The following CADM2 variants were observed in gnomAD, a reference collection of about 807,000 sequenced individuals.
CADM2 encodes the protein immunoglobulin superfamily member 4D.
A neutral mutation model predicts 49.8 loss-of-function variants in CADM2; 12 were observed. The ratio of observed to expected loss-of-function variants is 0.24; its 90% CI spans 0.15 to 0.39. The LOEUF (loss-of-function observed/expected upper bound fraction) is 0.39, where lower values mean the gene tolerates loss of function less well. Ranked by LOEUF, CADM2 falls within the 10% of genes least tolerant of loss-of-function variation. CADM2 has a pLI of 1.00. For missense variants in CADM2, 378 were observed against 492.3 expected, an observed-to-expected ratio of 0.77 and a Z score of 2.20; for synonymous variants, 214 against 175.4, an observed-to-expected ratio of 1.22 and a Z score of -1.74.
At chr3:85,838,232 T>A (rs957742180) in intron 3 of CADM2, among the ~76,000 whole-genome samples, 1 of 151,846 alleles carries the variant, frequency 6.6e-6, no homozygotes, top group Non-Finnish European at 1.5e-5. Context: ...ATCTTCTGCA[T>A]CTTTAAAAGG....
intron 8 of CADM2, among the ~76,000 whole-genome samples, chr3:85,963,727 G>A (rs78932617): frequency 0.041 from 6,200 of 151,904 alleles, 419 homozygotes; most frequent in African/African-American, 0.14. Context: ...TTCAGTGCTT[G>A]CAAGCTAGCC....
At chr3:85,610,252 G>A (rs2107446497) in intron 1 of CADM2, among the ~76,000 whole-genome samples, 1 of 151,882 alleles carries the variant, frequency 6.6e-6, no homozygotes, top group Non-Finnish European at 1.5e-5. Context: ...AAATGGTAGT[G>A]GTCCCCATGA....
At chr3:86,059,621 G>T (rs1053908783) in intron 8 of CADM2, among the ~76,000 whole-genome samples, 1 of 152,150 alleles carries the variant, frequency 6.6e-6, no homozygotes, top group Non-Finnish European at 1.5e-5. Context: ...AACAATACAT[G>T]ATGTATTTAT....
chr3:85,923,122 C>T (rs1451232668), intron 6 of CADM2, among the ~76,000 whole-genome samples: 3 of 152,072 alleles, frequency 2.0e-5, no homozygotes, highest in Non-Finnish European at 4.4e-5. Flanking sequence ...CGCGCCCGGC[C>T]GAAACTAAAA....
intron 6 of CADM2, among the ~76,000 whole-genome samples, chr3:85,931,171 G>A (rs188986163): frequency 1.9e-3 from 295 of 152,012 alleles, no homozygotes; most frequent in Middle Eastern, 0.014. Flanking sequence ...CCAGGAGTTC[G>A]AGACCAGCCT....
intron 1 of CADM2, among the ~76,000 whole-genome samples, chr3:85,133,824 A>G (rs977530997): frequency 4.6e-5 from 7 of 152,224 alleles, no homozygotes; most frequent in Non-Finnish European, 8.8e-5. Context: ...CCGGGGCTGC[A>G]GGTGGAGCTG....
chr3:85,812,176 A>G (rs1001806756), intron 3 of CADM2, among the ~76,000 whole-genome samples: 2 of 152,274 alleles, frequency 1.3e-5, no homozygotes, highest in South Asian at 4.1e-4. Context: ...TTATTAAGTC[A>G]AGCAATCTGC....
chr3:85,624,867 G>A (rs1208002973), intron 1 of CADM2, among the ~76,000 whole-genome samples: 1 of 152,070 alleles, frequency 6.6e-6, no homozygotes, highest in Non-Finnish European at 1.5e-5. Flanking sequence ...TACATGAGAA[G>A]TTTTGATACA....
intron 1 of CADM2, among the ~76,000 whole-genome samples, chr3:85,414,192 G>A (rs2035807208): frequency 6.6e-6 from 1 of 152,134 alleles, no homozygotes; most frequent in Admixed American, 6.6e-5. Flanking sequence ...TGACATTAAT[G>A]TGTGATCATA....
At chr3:85,549,409 A>G (rs1194991255) in intron 1 of CADM2, among the ~76,000 whole-genome samples, 3 of 152,192 alleles carry the variant, frequency 2.0e-5, no homozygotes, top group East Asian at 1.9e-4. Context: ...CCGGTCTCAT[A>G]TATAAGAACA....
chr3:85,222,704 G>T lies in CADM2; in HGVS notation c.61+263036G>T, dbSNP rs565899262. Reference sequence around the variant, plus strand: ...TTGGAGATAACACCTAACTCATTTGGTTATTATGAGGTTAAATGATATCAT... The same window carrying T: ...TTGGAGATAACACCTAACTCATTTGTTTATTATGAGGTTAAATGATATCAT... On this transcript the variant is annotated intron_variant, in intron 1 of 9. Transcript: ENST00000383699. Among the ~76,000 whole-genome samples the T allele has an allele frequency of 4.6e-5, 7 of 152,104 alleles. No homozygotes were observed. In the South Asian group the frequency reaches 1.5e-3, roughly 32 times the overall value.
At chr3:85,886,387 G>A (rs2108402126) in intron 5 of CADM2, 60 bp downstream of exon 5, 2 of 1,285,254 alleles carry the variant, frequency 1.6e-6, no homozygotes, top group African/African-American at 1.5e-5. Context: ...GACATGTTAA[G>A]AAAAAGGCAT....
intron 3 of CADM2, among the ~76,000 whole-genome samples, chr3:85,871,651 A>T (rs1349415467): frequency 6.6e-6 from 1 of 152,170 alleles, no homozygotes; most frequent in Non-Finnish European, 1.5e-5. Context: ...ATAAACACTT[A>T]GCAAATGTTT....
In CADM2 at chr3:85,327,864, A is replaced by T. The variant is rs530435578; in HGVS notation, c.61+368196A>T. On this transcript the variant is annotated intron_variant, in intron 1 of 9. Coordinates refer to ENST00000383699, the MANE Select transcript of CADM2 (RefSeq NM_001167675.2). ...GCTATTTCAAAACGTAACAATTTGA[A>T]GCCTCATGACTGCTAATTTAGCCAC... Among the ~76,000 whole-genome samples, 13 of 152,252 alleles carry T rather than the reference A, an allele frequency of 8.5e-5. No homozygotes were observed. The South Asian group carries it at 2.7e-3, about 32-fold the overall frequency.
intron 1 of CADM2, among the ~76,000 whole-genome samples, chr3:85,394,952 C>T (rs2034697367): frequency 6.6e-6 from 1 of 152,050 alleles, no homozygotes; most frequent in Non-Finnish European, 1.5e-5. Flanking sequence ...AAACTTTTCC[C>T]ATAGTTTTCT....
intron 1 of CADM2, among the ~76,000 whole-genome samples, chr3:85,280,601 G>A (rs56972336): frequency 2.6e-3 from 398 of 151,338 alleles, no homozygotes; most frequent in African/African-American, 8.3e-3. Context: ...TCTGCGTTTT[G>A]GGAAGTTTCC....
chr3:85,085,916 A>T (rs573445058), intron 1 of CADM2, among the ~76,000 whole-genome samples: 1 of 152,242 alleles, frequency 6.6e-6, no homozygotes, highest in African/African-American at 2.4e-5. Flanking sequence ...TTTCATGGGT[A>T]GGGCATCAGG....
chr3:85,217,498 C>T (rs746292728), intron 1 of CADM2, among the ~76,000 whole-genome samples: 7 of 151,970 alleles, frequency 4.6e-5, no homozygotes, highest in Non-Finnish European at 8.8e-5. Context: ...TAATTGAAAG[C>T]GGAGTTGTTT....
intron 6 of CADM2, among the ~76,000 whole-genome samples, chr3:85,916,136 A>T (rs1718272676): frequency 6.6e-6 from 1 of 152,142 alleles, no homozygotes; most frequent in Non-Finnish European, 1.5e-5. Context: ...TATTAATCAT[A>T]CATTTAAATA....
Sources: gnomAD v4.1 joint callset for allele counts (sites outside exome capture counted in the v4.1 genomes callset) on GRCh38, gnomAD v4.1.1 for gene constraint, MANE v1.5 for transcripts, NCBI Gene and HGNC (gene_info 2026-07-23, HGNC 2026-07-21) for gene names.